Variants in MAP4 observed in about 807,000 individuals in gnomAD.
MAP4 encodes the protein microtubule associated protein 4.
MAP4 carries 76 observed loss-of-function variants against 170.2 expected under a neutral mutation model. The ratio of observed to expected loss-of-function variants is 0.45; its 90% confidence interval spans 0.37 to 0.54. MAP4 has a LOEUF of 0.54. Among genes scored for constraint, MAP4 ranks in the 20% least tolerant of loss-of-function variants. The probability of loss-of-function intolerance (pLI) is 0.00; values close to 1 mark genes in which losing one functional copy is unlikely to be tolerated. For missense variants in MAP4, 2,506 were observed against 2,748.0 expected (o/e 0.91, Z 1.97); for synonymous variants, 909 against 994.5 (o/e 0.91, Z 1.62).
chr3:48,045,653 T>C (rs1028308523), intron 1 of MAP4, among the ~76,000 whole-genome samples: 8 of 152,226 alleles, frequency 5.3e-5, no homozygotes, highest in African/African-American at 1.4e-4. Flanking sequence ...TTGAAAATTA[T>C]AATGTTTAAG....
intron 19 of MAP4, 138 bp from the exon 20 acceptor site, chr3:47,853,490 G>T (rs891462461): frequency 3.0e-5 from 20 of 659,594 alleles, no homozygotes; most frequent in Non-Finnish European, 4.5e-5. Context: ...GTCGCTTGGA[G>T]AATCCCAGGC....
intron 3 of MAP4, among the ~76,000 whole-genome samples, chr3:47,958,216 C>T (rs561134563): frequency 3.9e-5 from 6 of 152,248 alleles, no homozygotes; most frequent in African/African-American, 1.4e-4. Flanking sequence ...TTAATACTTC[C>T]ATGCCAAAAA....
intron 2 of MAP4, among the ~76,000 whole-genome samples, chr3:47,990,657 G>C (rs1178077252): frequency 6.6e-6 from 1 of 152,106 alleles, no homozygotes; most frequent in Non-Finnish European, 1.5e-5. Flanking sequence ...TCAATACTGT[G>C]CTAGATGATC....
chr3:47,917,157 T>C lies in MAP4; in HGVS notation c.670A>G (p.Lys224Glu). The part of the protein sequence containing the change: ...QPTAVPLELA[K>E]EIEMASEERP... The stretch of plus-strand genomic sequence containing the variant: ...TCTTCTGATGCCATTTCTATCTCCT[T>C]GGCTAGCTCTAAGGGAACTAAATTG... Residue 224 changes from lysine (K) to glutamate (E), a missense_variant, in exon 7 of 21, where the codon AAG becomes GAG. Coordinates refer to ENST00000683076, the MANE Select transcript of MAP4 (RefSeq NM_001385682.1). The C allele has an allele frequency of 6.2e-7, 1 of 1,613,888 alleles. No homozygotes were observed. Among genetic ancestry groups the C allele is most frequent in the African/African-American group, 1.3e-5 (1 of 75,024 alleles).
chr3:48,081,535 G>A (rs906790430), intron 1 of MAP4, among the ~76,000 whole-genome samples: 1 of 151,838 alleles, frequency 6.6e-6, no homozygotes, highest in African/African-American at 2.4e-5. Context: ...ATATATATTA[G>A]AGTTGAAAAA....
intron 3 of MAP4, among the ~76,000 whole-genome samples, chr3:47,948,977 T>A (rs2100061904): frequency 6.6e-6 from 1 of 152,188 alleles, no homozygotes; most frequent in African/African-American, 2.4e-5. Context: ...CCACTCAGAA[T>A]TCTACATTAA....
intron 3 of MAP4, among the ~76,000 whole-genome samples, chr3:47,930,775 A>C (rs2100049312): frequency 6.6e-6 from 1 of 151,844 alleles, no homozygotes; most frequent in Admixed American, 6.6e-5. Context: ...AAATACAAAA[A>C]AAAATTAGCC....
In MAP4 at chr3:47,852,564, G is replaced by A. The variant is rs982544413; in HGVS notation, c.*370C>T. 2.7e-5 allele frequency: 15 copies of A among 561,948 alleles called. No homozygotes were observed. The highest frequency in any genetic ancestry group is 4.3e-5 in the Non-Finnish European group (14 of 325,802). 34.8% of individuals were successfully genotyped at this position (561,948 alleles called of 1,614,324 possible). On this transcript the variant is annotated 3_prime_UTR_variant, in exon 21 of 21. Coordinates refer to ENST00000683076, the MANE Select transcript of MAP4 (RefSeq NM_001385682.1). Reference sequence around the variant, plus strand: ...CCAAAAAAAGATGAGGATAGAATCTGGTTCTCCTCTCCTAGATCCCAACTT... The same window carrying A: ...CCAAAAAAAGATGAGGATAGAATCTAGTTCTCCTCTCCTAGATCCCAACTT...
At chr3:47,862,073 A>G (rs994555617) in intron 17 of MAP4, among the ~76,000 whole-genome samples, 1 of 149,848 alleles carries the variant, frequency 6.7e-6, no homozygotes, top group Non-Finnish European at 1.5e-5. Context: ...AGACAGGAGA[A>G]TCACTTGAAT....
chr3:47,905,419 C>T (rs1037965286), intron 9 of MAP4, among the ~76,000 whole-genome samples: 1 of 151,698 alleles, frequency 6.6e-6, no homozygotes, highest in African/African-American at 2.4e-5. Flanking sequence ...CAAATACATG[C>T]AGAAATTTAG....
chr3:47,910,528 A>G lies in MAP4; in HGVS notation c.3893T>C (p.Leu1298Pro). ...TATCTTGTTTTCCCCAAGAGTCCCA[A>G]GCTCAACAAAATTAACCTGAAAATT... ...GGNFQVNFVE[L>P]GTLGENKIST... is the part of the protein sequence containing the mutation. The change falls in exon 9 of 21, where the codon CTT becomes CCT. Residue 1298 changes from leucine to proline, a missense_variant. Around this residue, in one of 3 missense-constraint regions of MAP4, gnomAD observed 2,008 missense variants for 2,206.0 expected, o/e 0.91. Coordinates refer to ENST00000683076, the MANE Select transcript of MAP4 (RefSeq NM_001385682.1). The G allele has an allele frequency of 6.5e-7, 1 of 1,536,132 alleles. No homozygotes were observed. Among genetic ancestry groups the G allele is most frequent in the Non-Finnish European group, 8.7e-7 (1 of 1,146,900 alleles).
chr3:47,909,328 T>C lies in MAP4; in HGVS notation c.5093A>G (p.His1698Arg), dbSNP rs767145721. 1.2e-6 allele frequency: 2 copies of C among 1,613,882 alleles called. No homozygotes were observed. The highest frequency in any genetic ancestry group is 1.7e-6 in the Non-Finnish European group (2 of 1,179,880). Residue 1698 changes from histidine (H) to arginine (R), a missense_variant, in exon 9 of 21, where the codon CAT becomes CGT. Physicochemically the swap from His to Arg is conservative, Grantham distance 29. This residue lies in a region of MAP4 where 2,008 missense variants were observed against 2,206.0 expected (regional missense o/e 0.91). Coordinates refer to ENST00000683076, the MANE Select transcript of MAP4 (RefSeq NM_001385682.1). ...PTPEIQSDFL[H>R]SKVEAPPSEV... Reference sequence around the variant, plus strand: ...TGAAGGAGGAGCTTCGACTTTGCTATGTAAGAAATCTGACTGGATTTCTGG... The same window carrying C: ...TGAAGGAGGAGCTTCGACTTTGCTACGTAAGAAATCTGACTGGATTTCTGG...
intron 3 of MAP4, among the ~76,000 whole-genome samples, chr3:47,936,980 C>CAAAA (rs10711611): frequency 1.1e-5 from 1 of 94,394 alleles, no homozygotes. Flanking sequence ...AACTCCGTCT[C>CAAAA]AAAAAAAAAA....
At position 47,875,911 on chromosome 3, in the gene MAP4, ATTG is replaced by A. The variant is rs761636052; in HGVS notation, c.5542-14_5542-12del. ...AGTGGTGGCCAAAGGCTTTAGGTTG[ATTG>A]TTGTTTATTTTTTATTTTTATTTTT... On this transcript the variant is annotated splice_polypyrimidine_tract_variant and intron_variant, in intron 11 of 20. Transcript: ENST00000683076. 1.9e-6 allele frequency: 3 copies of A among 1,565,938 alleles called. No individual in the cohort carries two copies. Among genetic ancestry groups the A allele is most frequent in the African/African-American group, 1.4e-5 (1 of 72,136 alleles).
At chr3:47,877,592 G>A (rs921072566) in intron 10 of MAP4, 69 bp from the exon 11 acceptor site, 3 of 1,071,268 alleles carry the variant, frequency 2.8e-6, no homozygotes, top group African/African-American at 3.1e-5. Flanking sequence ...AAAATACAAG[G>A]TTTAGCAAAG....
At chr3:48,038,090 C>A (rs1380720425) in intron 1 of MAP4, among the ~76,000 whole-genome samples, 1 of 151,138 alleles carries the variant, frequency 6.6e-6, no homozygotes, top group African/African-American at 2.4e-5. Flanking sequence ...ATCGCTTCAA[C>A]CCAGCAGGTG....
At chr3:48,069,981 A>AT (rs904645570) in intron 1 of MAP4, among the ~76,000 whole-genome samples, 9 of 151,542 alleles carry the variant, frequency 5.9e-5, no homozygotes, top group East Asian at 1.9e-4. Context: ...GTGAAAAAAA[A>AT]TTTTTTTTCT....
At chr3:47,941,628 A>AAAC (rs1553642129) in intron 3 of MAP4, among the ~76,000 whole-genome samples, 1 of 127,988 alleles carries the variant, frequency 7.8e-6, no homozygotes, top group African/African-American at 3.7e-5. Flanking sequence ...AAACAAAAAC[A>AAAC]AAAAAAAAAA....
At chr3:48,063,488 G>A (rs2100136953) in intron 1 of MAP4, among the ~76,000 whole-genome samples, 1 of 151,698 alleles carries the variant, frequency 6.6e-6, no homozygotes, top group Non-Finnish European at 1.5e-5. Context: ...TCCAGCAATT[G>A]CACTCCTTGA....
Sources: gnomAD v4.1 joint callset for allele counts (sites outside exome capture counted in the v4.1 genomes callset) on GRCh38, gnomAD v4.1.1 for gene constraint, gnomAD v4.1.1 regional missense constraint, MANE v1.5 for transcripts, NCBI Gene and HGNC (gene_info 2026-07-23, HGNC 2026-07-21) for gene names.